The following TRNT1 variants were observed in gnomAD, a reference collection of about 807,000 sequenced individuals.
The protein encoded by TRNT1 is tRNA nucleotidyl transferase 1, also known as CCA tRNA nucleotidyltransferase 1, mitochondrial.
TRNT1 carries 44 observed loss-of-function variants against 45.6 expected under a neutral mutation model. The ratio of observed to expected loss-of-function variants is 0.97; its 90% CI spans 0.76 to 1.24. The LOEUF (loss-of-function observed/expected upper bound fraction) is 1.24. TRNT1 is among the 50% of genes most tolerant of loss of function. The pLI is 0.00. For missense variants in TRNT1, 633 were observed against 504.4 expected, an observed-to-expected ratio of 1.25 and a Z score of -2.44; for synonymous variants, 201 against 171.4, an observed-to-expected ratio of 1.17 and a Z score of -1.35.
chr3:3,151,660 T>G (rs755712878), downstream of TRNT1, among the ~76,000 whole-genome samples: 40 of 152,212 alleles, frequency 2.6e-4, no homozygotes, highest in Non-Finnish European at 5.7e-4. Context: ...TATTCTAGTT[T>G]TAGTCCTCAC....
chr3:3,141,457 C>T (rs1705649418), intron 4 of TRNT1, among the ~76,000 whole-genome samples: 1 of 152,208 alleles, frequency 6.6e-6, no homozygotes, highest in South Asian at 2.1e-4. Context: ...GCACTTTTTA[C>T]TGCTGAGCCT....
At chr3:3,133,454 G>A (rs1028906097) in intron 2 of TRNT1, among the ~76,000 whole-genome samples, 2 of 152,028 alleles carry the variant, frequency 1.3e-5, no homozygotes, top group Non-Finnish European at 2.9e-5. Flanking sequence ...AGCTACTCAG[G>A]AGGCTGAGGC....
chr3:3,128,902 T>C (rs1704796822), intron 1 of TRNT1, 112 bp from the exon 2 acceptor site: 1 of 837,214 alleles, frequency 1.2e-6, no homozygotes, highest in East Asian at 2.5e-5. Flanking sequence ...TTTTTTCATC[T>C]GAACAAGAGA....
intron 3 of TRNT1, among the ~76,000 whole-genome samples, chr3:3,138,689 T>G (rs917038021): frequency 3.3e-5 from 5 of 152,220 alleles, no homozygotes; most frequent in African/African-American, 1.2e-4. Context: ...CTCCCAGTCA[T>G]TGTATAATAC....
chr3:3,128,880 C>T, intron 1 of TRNT1, 134 bp from the exon 2 acceptor site: 1 of 677,310 alleles, frequency 1.5e-6, no homozygotes, highest in Non-Finnish European at 2.5e-6. Context: ...CTCAAACTGA[C>T]ACCGTTTTCA....
At chr3:3,133,694 G>T (rs539199423) in intron 2 of TRNT1, among the ~76,000 whole-genome samples, 5 of 152,240 alleles carry the variant, frequency 3.3e-5, no homozygotes, top group African/African-American at 1.2e-4. Context: ...GTCCACAGGG[G>T]GTGATAGCGC....
chr3:3,138,945 G>T (rs563932713), intron 3 of TRNT1, among the ~76,000 whole-genome samples: 2 of 152,274 alleles, frequency 1.3e-5, no homozygotes, highest in Admixed American at 1.3e-4. Context: ...AGCCAACTGG[G>T]ACTCCCAGTC....
rs764098476 is a variant in TRNT1 at position 3,147,693 on chromosome 3, T to C, written c.1046T>C (p.Phe349Ser). 1.2e-6 allele frequency: 2 copies of C among 1,611,140 alleles called. No homozygotes were observed. The highest frequency in any genetic ancestry group is 1.7e-4 in the Middle Eastern group (1 of 6,048). Residue 349 changes from phenylalanine (F) to serine (S), a missense_variant, in exon 7 of 8, where the codon TTC (phenylalanine) becomes TCC (serine). Phe to Ser is a radical substitution (Grantham distance 155, BLOSUM62 -2). Coordinates refer to ENST00000251607, the MANE Select transcript of TRNT1 (RefSeq NM_182916.3). The part of the protein sequence containing the change: ...SSDPLKPYQD[F>S]IIDSREPDAT... ...GACCCATTGAAACCCTATCAAGACT[T>C]CATTATAGATGTAAGTATATACTAG...
At chr3:3,142,075 G>A (rs751523063) in intron 4 of TRNT1, among the ~76,000 whole-genome samples, 1 of 152,020 alleles carries the variant, frequency 6.6e-6, no homozygotes, top group Non-Finnish European at 1.5e-5. Context: ...GAGCCCAATT[G>A]GTGCATTTTT....
chr3:3,151,025 T>C (rs1388890404), downstream of TRNT1: 1 of 1,613,882 alleles, frequency 6.2e-7, no homozygotes. Context: ...GATCTTACAC[T>C]GGGCAACAGT....
intron 4 of TRNT1, among the ~76,000 whole-genome samples, chr3:3,143,466 C>G (rs962188318): frequency 6.6e-6 from 1 of 152,178 alleles, no homozygotes; most frequent in Admixed American, 6.5e-5. Context: ...GTTTTAAAGG[C>G]TCTACAGTGA....
At chr3:3,152,381 G>T, downstream of TRNT1, 2 of 1,459,422 alleles carry the variant, frequency 1.4e-6, no homozygotes, top group Non-Finnish European at 1.9e-6. Context: ...TGGCAACTCT[G>T]CTTAGGACTC....
At chr3:3,152,322 T>G (rs568673570), downstream of TRNT1, 4 of 1,007,322 alleles carry the variant, frequency 4.0e-6, no homozygotes, top group South Asian at 5.9e-5. Flanking sequence ...CCGGCTAATT[T>G]TTGTAGCAAA....
At chr3:3,138,574 T>G (rs1355956591) in intron 3 of TRNT1, among the ~76,000 whole-genome samples, 3 of 149,966 alleles carry the variant, frequency 2.0e-5, no homozygotes, top group African/African-American at 7.6e-5. Context: ...TTGGAAACTC[T>G]TATTATTTGG....
At chr3:3,134,058 T>C (rs1705174649) in intron 2 of TRNT1, among the ~76,000 whole-genome samples, 1 of 152,204 alleles carries the variant, frequency 6.6e-6, no homozygotes, top group Non-Finnish European at 1.5e-5. Flanking sequence ...TTGGAGCAAA[T>C]AAACGTAGTT....
chr3:3,133,206 G>A (rs181178023), intron 2 of TRNT1, among the ~76,000 whole-genome samples: 3 of 152,162 alleles, frequency 2.0e-5, no homozygotes, highest in Non-Finnish European at 2.9e-5. Flanking sequence ...AATTTGTCAG[G>A]TTATTTTATG....
downstream of TRNT1, chr3:3,151,026 G>A: frequency 6.2e-7 from 1 of 1,613,682 alleles, no homozygotes; most frequent in Non-Finnish European, 8.5e-7. Context: ...ATCTTACACT[G>A]GGCAACAGTC....
At chr3:3,139,453 C>CCTAA (rs1705513116) in intron 3 of TRNT1, among the ~76,000 whole-genome samples, 1 of 152,190 alleles carries the variant, frequency 6.6e-6, no homozygotes, top group Admixed American at 6.5e-5. Context: ...TAAAGACATT[C>CCTAA]CTAACTCTTG....
At position 3,144,467 on chromosome 3, in the gene TRNT1, A is replaced by C; in HGVS notation, c.482-117A>C. 3.0e-6 allele frequency: 3 copies of C among 994,364 alleles called. No homozygotes were observed. In the South Asian group the frequency reaches 4.3e-5, roughly 14 times the overall value. 61.6% of individuals were successfully genotyped at this position (994,364 alleles called of 1,614,324 possible). On this transcript the variant is annotated intron_variant, in intron 4 of 7. Transcript: ENST00000251607. The stretch of plus-strand genomic sequence containing the variant: ...TATGTATGAATACGTATGTGTTTTA[A>C]TAACTGTTCACTCTGCTGAATTTTT...
Sources: gnomAD v4.1 joint callset for allele counts (sites outside exome capture counted in the v4.1 genomes callset) on GRCh38, gnomAD v4.1.1 for gene constraint, MANE v1.5 for transcripts, NCBI Gene and HGNC (gene_info 2026-07-23, HGNC 2026-07-21) for gene names.